The following CELA3B variants were observed in gnomAD, a reference collection of about 807,000 sequenced individuals.
CELA3B encodes the protein chymotrypsin-like elastase family member 3B.
Under a neutral mutation model 37.2 loss-of-function variants are expected in CELA3B, and 34 were observed. The observed-to-expected ratio is 0.91, with a 90% CI of 0.70 to 1.22. The LOEUF (loss-of-function observed/expected upper bound fraction) is 1.22. Among genes scored for constraint, CELA3B ranks in the 50% most tolerant of loss-of-function variants. CELA3B has a pLI of 0.00. For missense variants in CELA3B, 340 were observed against 363.1 expected (o/e 0.94, Z 0.52); for synonymous variants, 127 against 143.5 (o/e 0.89, Z 0.82).
chr1:21,977,764 T>G, intron 1 of CELA3B: 1 of 317,928 alleles, frequency 3.1e-6, no homozygotes, highest in Non-Finnish European at 6.1e-6. Context: ...GGGTCTTGCT[T>G]TGTTGCCCAG....
chr1:21,994,341 C>T (rs1435461297), downstream of CELA3B, among the ~76,000 whole-genome samples: 3 of 150,846 alleles, frequency 2.0e-5, no homozygotes, highest in Admixed American at 6.6e-5. Context: ...CTGGGCCCAG[C>T]TTTGGCGAGG....
At chr1:21,982,302 G>A (rs1409803380) in intron 4 of CELA3B, among the ~76,000 whole-genome samples, 1 of 152,024 alleles carries the variant, frequency 6.6e-6, no homozygotes, top group Non-Finnish European at 1.5e-5. Flanking sequence ...CATCACCTGG[G>A]AACCTGCAGC....
chr1:21,994,857 C>G (rs1644883491), intron 4 of CELA3B, among the ~76,000 whole-genome samples: 1 of 150,206 alleles, frequency 6.7e-6, no homozygotes, highest in African/African-American at 2.5e-5. Context: ...TTAAAATTAG[C>G]TGGGCGTGGT....
chr1:21,994,151 C>T (rs1220398249), downstream of CELA3B, among the ~76,000 whole-genome samples: 3 of 151,236 alleles, frequency 2.0e-5, no homozygotes, highest in Non-Finnish European at 4.4e-5. Flanking sequence ...AGATTTATTC[C>T]TTGCTGTATC....
Position 21,978,382 on chromosome 1 carries a change from C to A in CELA3B, c.57C>A (p.Gly19=), listed in dbSNP as rs757858595. 1 of 1,613,992 alleles carries A rather than the reference C, an allele frequency of 6.2e-7. No individual in the cohort carries two copies. The highest frequency in any genetic ancestry group is 2.2e-5 in the East Asian group (1 of 44,898). The change falls in exon 2 of 8, where the codon GGC becomes GGA. Residue 19 remains glycine (G), a synonymous_variant. Coordinates refer to ENST00000337107, the MANE Select transcript of CELA3B (RefSeq NM_007352.4). ...TCTCCCCTCTAGCCTCAGGCTATGG[C>A]CCACCTTCCTCTCGCCCTTCCAGCC... ...LLLVAVASGY[G]PPSSRPSSRV...
chr1:21,994,687 A>G (rs1644882816), intron 4 of CELA3B, among the ~76,000 whole-genome samples: 1 of 150,904 alleles, frequency 6.6e-6, no homozygotes, highest in African/African-American at 2.5e-5. Context: ...CTTAAAGTGA[A>G]GTCCTGTGAG....
intron 6 of CELA3B, among the ~76,000 whole-genome samples, chr1:21,985,784 G>T (rs1233749226): frequency 3.3e-5 from 5 of 152,116 alleles, no homozygotes; most frequent in African/African-American, 1.2e-4. Flanking sequence ...CCAGCTACTC[G>T]GGAGGCTGAG....
intron 4 of CELA3B, among the ~76,000 whole-genome samples, chr1:21,997,255 G>A (rs1435226931): frequency 6.6e-6 from 1 of 150,602 alleles, no homozygotes; most frequent in Non-Finnish European, 1.5e-5. Context: ...CAGCTACTTG[G>A]GAGGCTGAGG....
At chr1:21,988,830 C>A (rs1220804725) in intron 7 of CELA3B, among the ~76,000 whole-genome samples, 1 of 151,758 alleles carries the variant, frequency 6.6e-6, no homozygotes, top group Non-Finnish European at 1.5e-5. Flanking sequence ...GTGGAGGTTG[C>A]GGTGAGCTGA....
At position 21,977,031 on chromosome 1, in the gene CELA3B, G is replaced by A. The variant is rs202069060; in HGVS notation, c.-9G>A. On this transcript the variant is annotated 5_prime_UTR_variant, in exon 1 of 8. Coordinates refer to ENST00000337107, the MANE Select transcript of CELA3B (RefSeq NM_007352.4). ...GGTTCTGTGCCCTTTTCCTATCATC[G>A]CAAAACTCATGATGCTCCGGCTGCT... is the stretch of plus-strand genomic sequence containing the variant. The A allele has an allele frequency of 8.8e-4, 1,368 of 1,559,548 alleles. No homozygotes were observed. Among genetic ancestry groups the A allele is most frequent in the African/African-American group, 4.1e-3 (286 of 69,968 alleles).
chr1:21,995,119 T>C (rs1187979953), intron 4 of CELA3B, among the ~76,000 whole-genome samples: 1 of 149,296 alleles, frequency 6.7e-6, no homozygotes, highest in African/African-American at 2.5e-5. Flanking sequence ...GTCCCCAATA[T>C]TGGCTCTCCC....
At chr1:21,987,869 C>A (rs1046394253) in intron 7 of CELA3B, 2 of 151,548 alleles carry the variant, frequency 1.3e-5, no homozygotes, top group African/African-American at 2.4e-5. Context: ...GAGATTAGCA[C>A]GGCCCCTGCG....
At chr1:21,984,635 T>C (rs1213861455) in intron 6 of CELA3B, among the ~76,000 whole-genome samples, 1 of 152,164 alleles carries the variant, frequency 6.6e-6, no homozygotes, top group Admixed American at 6.6e-5. Context: ...CCAACGCAGG[T>C]CAATTCTGTG....
chr1:21,995,178 C>G (rs1258948369), intron 4 of CELA3B, among the ~76,000 whole-genome samples: 2 of 132,078 alleles, frequency 1.5e-5, no homozygotes, highest in African/African-American at 6.1e-5. Context: ...GAGTCTTGCT[C>G]TGTCACCCAG....
chr1:21,978,201 C>G (rs566789185), intron 1 of CELA3B, among the ~76,000 whole-genome samples, 168 bp from the exon 2 acceptor site: 1 of 149,584 alleles, frequency 6.7e-6, no homozygotes, highest in African/African-American at 2.5e-5. Flanking sequence ...AAGCCCTGCT[C>G]TAGTTTAAAT....
intron 4 of CELA3B, among the ~76,000 whole-genome samples, chr1:21,982,552 G>A (rs1370749329): frequency 1.3e-5 from 2 of 151,814 alleles, no homozygotes; most frequent in African/African-American, 2.4e-5. Context: ...AGCCGAGATC[G>A]TGCCATTACA....
chr1:21,979,813 AG>A (rs1644794200), intron 2 of CELA3B, among the ~76,000 whole-genome samples: 1 of 147,388 alleles, frequency 6.8e-6, no homozygotes, highest in East Asian at 2.0e-4. Context: ...CATATTGGAC[AG>A]CAAAGATATA....
rs878969944 is a variant in CELA3B, at chr1:21,998,086, T to G, written c.505-65T>G. ...ACATTACTCAGGTCCCATAATCTCA[T>G]TCCCTTAAGTCTAAGGTATTTTAAA... On this transcript the variant is annotated intron_variant, in intron 4 of 4. Coordinates refer to the CELA3B transcript ENST00000400277. The G allele has an allele frequency of 6.1e-4, 286 of 465,470 alleles. 9 individuals carry two copies. The highest frequency in any genetic ancestry group is 3.2e-3 in the South Asian group (206 of 64,058). The allele number at this position is 465,470 out of a possible 1,614,324, so 28.8% of individuals were successfully genotyped here. A position where few individuals can be genotyped will look rare whatever the true frequency, so the allele number is the denominator to read the frequency against.
intron 7 of CELA3B, among the ~76,000 whole-genome samples, chr1:21,988,441 A>G (rs1218113475): frequency 6.6e-6 from 1 of 151,494 alleles, no homozygotes; most frequent in East Asian, 1.9e-4. Flanking sequence ...ATATAAAAAA[A>G]TTGGCTGGGC....
Sources: gnomAD v4.1 joint callset for allele counts (sites outside exome capture counted in the v4.1 genomes callset) on GRCh38, gnomAD v4.1.1 for gene constraint, MANE v1.5 for transcripts, NCBI Gene and HGNC (gene_info 2026-07-23, HGNC 2026-07-21) for gene names.